The following IMMP2L variants were observed in gnomAD, a reference collection of about 807,000 sequenced individuals.
The protein encoded by IMMP2L is mitochondrial inner membrane protease subunit 2.
In IMMP2L, 18 loss-of-function variants were observed where a neutral mutation model predicts 19.3. The ratio of observed to expected loss-of-function variants is 0.93; its 90% CI spans 0.64 to 1.38. The LOEUF is 1.38. IMMP2L is among the 40% of genes most tolerant of loss of function. The pLI, the probability that IMMP2L is intolerant of heterozygous loss-of-function variation, is 0.00. For missense variants in IMMP2L, 233 were observed against 218.2 expected (o/e 1.07, Z -0.43); for synonymous variants, 76 against 73.0 (o/e 1.04, Z -0.21).
chr7:110,795,865 T>C (rs1800828631), intron 5 of IMMP2L, among the ~76,000 whole-genome samples: 1 of 152,030 alleles, frequency 6.6e-6, no homozygotes, highest in African/African-American at 2.4e-5. Context: ...TACAAAGCAA[T>C]GCTTGCCTTG....
At chr7:110,668,890 G>A (rs1188237342) in intron 5 of IMMP2L, among the ~76,000 whole-genome samples, 1 of 151,960 alleles carries the variant, frequency 6.6e-6, no homozygotes, top group East Asian at 1.9e-4. Context: ...GGCAGGCAAA[G>A]AGTATAGTGA....
At chr7:111,239,671 T>C (rs1814766704) in intron 3 of IMMP2L, among the ~76,000 whole-genome samples, 1 of 151,918 alleles carries the variant, frequency 6.6e-6, no homozygotes, top group Admixed American at 6.6e-5. Flanking sequence ...GAAAACTTAA[T>C]CTTCTCCCAC....
chr7:111,396,813 G>A (rs539852185), intron 3 of IMMP2L, among the ~76,000 whole-genome samples: 3 of 152,036 alleles, frequency 2.0e-5, no homozygotes, highest in Admixed American at 6.5e-5. Flanking sequence ...CACTGGGTGC[G>A]GTGGCTCACG....
intron 5 of IMMP2L, among the ~76,000 whole-genome samples, chr7:110,868,729 T>C (rs1808253927): frequency 6.6e-6 from 1 of 152,108 alleles, no homozygotes; most frequent in South Asian, 2.1e-4. Flanking sequence ...ATAATTGCAA[T>C]GGGAAGAATA....
At chr7:110,977,407 C>T (rs1020224964) in intron 3 of IMMP2L, among the ~76,000 whole-genome samples, 18 of 151,806 alleles carry the variant, frequency 1.2e-4, no homozygotes, top group Non-Finnish European at 2.2e-4. Context: ...CATAAGCGGC[C>T]GAGCATCTGC....
chr7:111,407,156 A>G (rs1324117963), intron 3 of IMMP2L, among the ~76,000 whole-genome samples: 1 of 152,002 alleles, frequency 6.6e-6, no homozygotes, highest in East Asian at 1.9e-4. Flanking sequence ...AAAAATAACA[A>G]ATGTTGGTGA....
At chr7:111,049,118 C>CTTTT (rs1181540031) in intron 3 of IMMP2L, among the ~76,000 whole-genome samples, 5 of 28,098 alleles carry the variant, frequency 1.8e-4, no homozygotes, top group Admixed American at 6.9e-4. Flanking sequence ...TATGATACTT[C>CTTTT]TTTTTTTTTT....
At chr7:111,106,288 T>C (rs1409958706) in intron 3 of IMMP2L, among the ~76,000 whole-genome samples, 1 of 151,914 alleles carries the variant, frequency 6.6e-6, no homozygotes, top group Non-Finnish European at 1.5e-5. Context: ...AAGTCATTGT[T>C]CTCCTTATTT....
chr7:110,991,761 T>C (rs778018972), intron 3 of IMMP2L, among the ~76,000 whole-genome samples: 1 of 152,164 alleles, frequency 6.6e-6, no homozygotes, highest in African/African-American at 2.4e-5. Flanking sequence ...CTATTATCTA[T>C]GAATCAAAAT....
At chr7:111,380,603 A>G (rs1831105535) in intron 3 of IMMP2L, among the ~76,000 whole-genome samples, 1 of 152,054 alleles carries the variant, frequency 6.6e-6, no homozygotes. Context: ...CCTTAATTAT[A>G]AGCAGCAGAG....
intron 3 of IMMP2L, among the ~76,000 whole-genome samples, chr7:111,135,265 T>C (rs1802224811): frequency 6.6e-6 from 1 of 152,192 alleles, no homozygotes; most frequent in Non-Finnish European, 1.5e-5. Context: ...TACATATCTA[T>C]AAAGTACTTT....
intron 5 of IMMP2L, among the ~76,000 whole-genome samples, chr7:110,669,995 T>C (rs1010669846): frequency 5.3e-5 from 8 of 152,242 alleles, no homozygotes; most frequent in Non-Finnish European, 5.9e-5. Context: ...CACATTGTTA[T>C]GTGCTAAATT....
chr7:110,743,920 C>T (rs1797154881), intron 5 of IMMP2L, among the ~76,000 whole-genome samples: 3 of 152,200 alleles, frequency 2.0e-5, no homozygotes, highest in South Asian at 2.1e-4. Context: ...ACCGTTCACT[C>T]CCCCTGCAAA....
intron 3 of IMMP2L, among the ~76,000 whole-genome samples, chr7:111,070,991 T>C (rs1794903108): frequency 1.3e-5 from 2 of 152,172 alleles, no homozygotes; most frequent in South Asian, 2.1e-4. Context: ...TAAAAGTTTA[T>C]AGCTTGTAAA....
Position 110,976,740 on chromosome 7 carries a change from C to T in IMMP2L, c.240-13175G>A, listed in dbSNP as rs188923597. Among the ~76,000 whole-genome samples, 42 of 152,016 alleles carry T rather than the reference C, an allele frequency of 2.8e-4. No homozygotes were observed. The East Asian group carries it at 6.8e-3, about 25-fold the overall frequency. The stretch of plus-strand genomic sequence containing the variant: ...ATTCTGATGCAGGAAGTCTAGTCCA[C>T]CTTTGATAGGCACAGTTGGAAATGC... On this transcript the variant is annotated intron_variant, in intron 3 of 5. Transcript: ENST00000405709.
chr7:111,237,475 T>C (rs1454266238), intron 3 of IMMP2L, among the ~76,000 whole-genome samples: 3 of 152,044 alleles, frequency 2.0e-5, no homozygotes, highest in African/African-American at 4.8e-5. Context: ...TTTTTGGCAA[T>C]ATTTAACATA....
intron 3 of IMMP2L, among the ~76,000 whole-genome samples, chr7:111,125,823 T>C (rs1801243273): frequency 7.0e-6 from 1 of 141,950 alleles, no homozygotes; most frequent in Admixed American, 7.0e-5. Flanking sequence ...CTTGCTTTTT[T>C]TTTTTTTTTT....
intron 3 of IMMP2L, chr7:111,122,544 A>G (rs1017906227): frequency 5.8e-6 from 3 of 518,596 alleles, no homozygotes; most frequent in South Asian, 5.7e-5. Context: ...CATCAATATT[A>G]TATCATTAAG....
chr7:110,891,590 A>C (rs1457405158), intron 4 of IMMP2L, among the ~76,000 whole-genome samples: 2 of 152,198 alleles, frequency 1.3e-5, no homozygotes, highest in East Asian at 3.9e-4. Flanking sequence ...ACTCCCACAA[A>C]CTTCAAATAC....
Sources: allele counts gnomAD v4.1 joint callset (sites outside exome capture counted in the v4.1 genomes callset), GRCh38; gene constraint gnomAD v4.1.1; transcripts MANE v1.5; gene names NCBI Gene and HGNC (gene_info 2026-07-23, HGNC 2026-07-21).